TCF12: variants seen among roughly 807,000 people sequenced by gnomAD.
TCF12 encodes the protein DNA-binding protein HTF4.
A neutral mutation model predicts 86.0 loss-of-function variants in TCF12; 45 were observed. The ratio of observed to expected loss-of-function variants is 0.52; its 90% confidence interval spans 0.41 to 0.67. The LOEUF is 0.67. Ranked by LOEUF, TCF12 falls within the 30% of genes least tolerant of loss-of-function variation. TCF12 has a pLI of 0.00. For synonymous variants in TCF12, 330 were observed against 299.6 expected, an observed-to-expected ratio of 1.10 and a Z score of -1.05; for missense variants, 881 against 859.9, an observed-to-expected ratio of 1.02 and a Z score of -0.31.
At chr15:56,935,074 G>A (rs1241375528) in intron 3 of TCF12, among the ~76,000 whole-genome samples, 1 of 152,166 alleles carries the variant, frequency 6.6e-6, no homozygotes, top group Admixed American at 6.5e-5. Flanking sequence ...GATAGTGAGG[G>A]TTCTTGAATA....
chr15:56,946,799 T>C (rs28770839), intron 3 of TCF12, among the ~76,000 whole-genome samples: 4,162 of 30,806 alleles, frequency 0.14, 268 homozygotes, highest in East Asian at 0.55. Context: ...CTAAAGTACC[T>C]TTTTTTTTTT....
intron 3 of TCF12, among the ~76,000 whole-genome samples, chr15:56,951,459 T>TA (rs2061272603): frequency 1.3e-5 from 2 of 152,226 alleles, no homozygotes; most frequent in Admixed American, 6.5e-5. Flanking sequence ...CTTTACGAGA[T>TA]ACATGGTTTA....
intron 3 of TCF12, among the ~76,000 whole-genome samples, chr15:57,010,185 A>G (rs1225858031): frequency 3.9e-5 from 6 of 151,958 alleles, no homozygotes; most frequent in South Asian, 2.1e-4. Flanking sequence ...CTCCTTAACT[A>G]TAAGAGAAGG....
At chr15:56,992,704 T>C (rs755555638) in intron 3 of TCF12, among the ~76,000 whole-genome samples, 3 of 152,210 alleles carry the variant, frequency 2.0e-5, no homozygotes, top group Non-Finnish European at 4.4e-5. Context: ...ATAAAAGCTG[T>C]TTAGCCAAAA....
chr15:56,987,796 C>T (rs1170235766), intron 3 of TCF12, among the ~76,000 whole-genome samples: 1 of 152,112 alleles, frequency 6.6e-6, no homozygotes, highest in Non-Finnish European at 1.5e-5. Flanking sequence ...CGTGGTTTGG[C>T]AGAATTAAAT....
intron 19 of TCF12, among the ~76,000 whole-genome samples, chr15:57,275,072 C>T (rs1282413633): frequency 6.6e-6 from 1 of 152,122 alleles, no homozygotes; most frequent in African/African-American, 2.4e-5. Context: ...GAGAGAAGAT[C>T]TGTCATCTAG....
chr15:56,957,129 G>C (rs1262373942), intron 3 of TCF12, among the ~76,000 whole-genome samples: 1 of 152,178 alleles, frequency 6.6e-6, no homozygotes, highest in Non-Finnish European at 1.5e-5. Flanking sequence ...GCAATAAGAA[G>C]GCCCTCGCCA....
intron 3 of TCF12, among the ~76,000 whole-genome samples, chr15:57,059,042 A>G (rs1596332434): frequency 6.6e-6 from 1 of 152,254 alleles, no homozygotes; most frequent in Non-Finnish European, 1.5e-5. Context: ...ATCTCTAGTC[A>G]GAATTCTTTC....
chr15:56,992,451 G>A (rs1164172868), intron 3 of TCF12, among the ~76,000 whole-genome samples: 2 of 152,132 alleles, frequency 1.3e-5, no homozygotes, highest in Non-Finnish European at 2.9e-5. Context: ...TCATTCTTCT[G>A]AAATAAAACA....
intron 3 of TCF12, among the ~76,000 whole-genome samples, chr15:56,935,843 A>G (rs2060445639): frequency 6.6e-6 from 1 of 152,150 alleles, no homozygotes; most frequent in African/African-American, 2.4e-5. Flanking sequence ...TCTATCATGT[A>G]TATATATACA....
intron 16 of TCF12, among the ~76,000 whole-genome samples, chr15:57,256,560 A>AC (rs2060357817): frequency 7.4e-5 from 3 of 40,542 alleles, no homozygotes; most frequent in East Asian, 9.9e-4. Context: ...CCCCACCCCC[A>AC]CCCCGCCCCA....
intron 6 of TCF12, among the ~76,000 whole-genome samples, chr15:57,170,624 A>G (rs1186729340): frequency 1.5e-5 from 1 of 64,866 alleles, no homozygotes; most frequent in African/African-American, 1.0e-4. Context: ...ATGCCCTGCT[A>G]ATTTTATATA....
intron 5 of TCF12, chr15:57,129,699 A>T (rs2151335620): frequency 6.6e-6 from 1 of 152,334 alleles, no homozygotes; most frequent in South Asian, 2.1e-4. Context: ...TAATAAAAAG[A>T]TGTATCTAAT....
chr15:56,960,965 C>A (rs2061722564), intron 3 of TCF12, among the ~76,000 whole-genome samples: 1 of 151,586 alleles, frequency 6.6e-6, no homozygotes, highest in African/African-American at 2.4e-5. Context: ...CCTGGTGAAA[C>A]CCTGTCTCTA....
rs184406855 is a variant in TCF12, at chr15:57,107,969, A to G, written c.325+16078A>G. Among the ~76,000 whole-genome samples the G allele has an allele frequency of 1.2e-3, 180 of 152,286 alleles. 1 individual carries two copies. The highest frequency in any genetic ancestry group is 4.1e-3 in the African/African-American group (170 of 41,572). The stretch of plus-strand genomic sequence containing the variant: ...TGAAGATCCATGAATTTCTAAGTCA[A>G]GAATATTTTTAAACTTTTATTTTTA... On this transcript the variant is annotated intron_variant, in intron 5 of 20. Coordinates refer to ENST00000333725, the MANE Select transcript of TCF12 (RefSeq NM_207037.2).
intron 6 of TCF12, among the ~76,000 whole-genome samples, chr15:57,190,741 G>C (rs577110011): frequency 6.6e-6 from 1 of 152,158 alleles, no homozygotes; most frequent in Non-Finnish European, 1.5e-5. Flanking sequence ...ACTTCACAAA[G>C]TCTCATAATG....
intron 3 of TCF12, among the ~76,000 whole-genome samples, chr15:56,980,058 A>G (rs2062813913): frequency 6.6e-6 from 1 of 152,136 alleles, no homozygotes; most frequent in Non-Finnish European, 1.5e-5. Flanking sequence ...GTTCATTTAT[A>G]AGTCAAGATT....
chr15:56,941,018 C>A (rs1274563804), intron 3 of TCF12, among the ~76,000 whole-genome samples: 3 of 150,566 alleles, frequency 2.0e-5, no homozygotes, highest in Non-Finnish European at 4.4e-5. Flanking sequence ...ACCTCAGCCT[C>A]CCAAAATGCT....
At position 57,192,183 on chromosome 15, in the gene TCF12, GGC is replaced by G; in HGVS notation, c.417_418del (p.Leu140TrpfsTer31). ...TCTAGTCTCCTGAGACAAGATCTGG[GGC>G]TTGGGAGCCCAGCACAGCTATCTTC... On this transcript the variant is annotated frameshift_variant, in exon 7 of 21. Coordinates refer to ENST00000333725, the MANE Select transcript of TCF12 (RefSeq NM_207037.2). LOFTEE classifies it high-confidence loss of function. 1 of 1,613,970 alleles carries G rather than the reference GGC, an allele frequency of 6.2e-7. No individual in the cohort carries two copies. The highest frequency in any genetic ancestry group is 1.3e-5 in the African/African-American group (1 of 75,022).
Sources: allele counts gnomAD v4.1 joint callset (sites outside exome capture counted in the v4.1 genomes callset), GRCh38; gene constraint gnomAD v4.1.1; transcripts MANE v1.5; gene names NCBI Gene and HGNC (gene_info 2026-07-23, HGNC 2026-07-21).